Variants in ACYP2 observed in about 807,000 individuals in gnomAD.
ACYP2 encodes the protein acylphosphatase 2.
A neutral mutation model predicts 11.2 loss-of-function variants in ACYP2; 12 were observed. The ratio of observed to expected loss-of-function variants is 1.08; its 90% CI spans 0.69 to 1.74. The LOEUF (loss-of-function observed/expected upper bound fraction) is 1.74, where lower values mean the gene tolerates loss of function less well. Ranked by LOEUF, ACYP2 falls within the 40% of genes most tolerant of loss-of-function variation. The pLI is 0.00. For synonymous variants in ACYP2, 43 were observed against 32.2 expected (o/e 1.33, Z -1.13); for missense variants, 134 against 101.9 (o/e 1.31, Z -1.35).
At chr2:54,048,597 C>A (rs1454836326) in intron 2 of ACYP2, among the ~76,000 whole-genome samples, 1 of 152,136 alleles carries the variant, frequency 6.6e-6, no homozygotes, top group Non-Finnish European at 1.5e-5. Flanking sequence ...AACTACTGGG[C>A]TCAAGGGATC....
At chr2:54,211,906 G>C (rs113593603) in intron 6 of ACYP2, among the ~76,000 whole-genome samples, 37 of 151,398 alleles carry the variant, frequency 2.4e-4, no homozygotes, top group Admixed American at 1.6e-3. Context: ...CTTTCTTTCT[G>C]TCTCTCTCTC....
At chr2:54,113,041 G>A (rs1268838559) in intron 4 of ACYP2, among the ~76,000 whole-genome samples, 1 of 152,140 alleles carries the variant, frequency 6.6e-6, no homozygotes, top group African/African-American at 2.4e-5. Context: ...CAGGGGATTG[G>A]TTCCAGGAAT....
At chr2:54,301,522 A>G (rs1689727206) in intron 6 of ACYP2, among the ~76,000 whole-genome samples, 1 of 152,032 alleles carries the variant, frequency 6.6e-6, no homozygotes, top group Non-Finnish European at 1.5e-5. Flanking sequence ...TTAAATCTCT[A>G]TGTATGCCCT....
In ACYP2 at chr2:54,127,268, A is replaced by G. The variant is rs953567685; in HGVS notation, c.278-8185A>G. On this transcript the variant is annotated intron_variant, in intron 4 of 6. Transcript: ENST00000607452. ...TGCTATGCTTCTATGTTTTGCATAC[A>G]TGGAAATTCATTCTGCATGCACTCA... Among the ~76,000 whole-genome samples, 8 of 152,310 alleles carry G rather than the reference A, an allele frequency of 5.3e-5. No individual in the cohort carries two copies. In the South Asian group the frequency reaches 1.4e-3, roughly 28 times the overall value.
intron 5 of ACYP2, among the ~76,000 whole-genome samples, chr2:54,138,261 T>C (rs1681380719): frequency 6.6e-6 from 1 of 152,226 alleles, no homozygotes. Flanking sequence ...TTGAGAATCT[T>C]GGATTGATTA....
At chr2:54,051,722 G>T (rs780723949) in intron 3 of ACYP2, 4 of 584,798 alleles carry the variant, frequency 6.8e-6, no homozygotes, top group Non-Finnish European at 1.3e-5. Flanking sequence ...GCAAAAAAAG[G>T]AATCATCAAG....
In ACYP2 at chr2:54,255,567, G is replaced by C. The variant is rs773427483; in HGVS notation, c.405-49121G>C. The stretch of plus-strand genomic sequence containing the variant: ...GGTTCAGGTGGAGACCCACGTTCAG[G>C]GGCCCGGGCCCGGGCCCAGGCCCTG... On this transcript the variant is annotated intron_variant, in intron 6 of 6. Coordinates refer to ENST00000607452, the MANE Select transcript of ACYP2 (RefSeq NM_001320586.2). The C allele has an allele frequency of 5.1e-6, 6 of 1,177,046 alleles. No individual in the cohort carries two copies. In the South Asian group the frequency reaches 6.0e-5, roughly 12 times the overall value. 72.9% of individuals were successfully genotyped at this position (1,177,046 alleles called of 1,614,324 possible). A position where few individuals can be genotyped will look rare whatever the true frequency, so the allele number is the denominator to read the frequency against.
intron 2 of ACYP2, among the ~76,000 whole-genome samples, chr2:53,974,032 G>A (rs942823797): frequency 1.1e-4 from 17 of 150,174 alleles, no homozygotes; most frequent in East Asian, 3.9e-4. Flanking sequence ...TCAGCGCCTC[G>A]AGTAGCTGGG....
rs1352684459 is a variant in ACYP2 at position 54,138,671 on chromosome 2, G to T, written c.327G>T (p.Val109=). The change falls in exon 6 of 7, where the codon GTG becomes GTT. Residue 109 remains valine (V), a synonymous_variant. Transcript: ENST00000607452. ...AAGATGAAGCTAGGAAAATAGGAGT[G>T]GTTGGCTGGGTGAAGAATACCAGCA... is the stretch of plus-strand genomic sequence containing the variant. 1.9e-6 allele frequency: 3 copies of T among 1,613,918 alleles called. No homozygotes were observed. The African/African-American group carries it at 4.0e-5, about 22-fold the overall frequency.
intron 4 of ACYP2, among the ~76,000 whole-genome samples, chr2:54,105,941 G>T (rs10176342): frequency 0.19 from 29,547 of 151,684 alleles, 3,815 homozygotes; most frequent in African/African-American, 0.37. Flanking sequence ...TTCCGCAAAA[G>T]GCCGGATTCT....
chr2:54,129,668 G>A (rs1462110616), intron 4 of ACYP2, among the ~76,000 whole-genome samples: 1 of 149,712 alleles, frequency 6.7e-6, no homozygotes, highest in Non-Finnish European at 1.5e-5. Flanking sequence ...ACATATATAT[G>A]TGTATTATAT....
chr2:54,267,207 GC>G, intron 6 of ACYP2: 2 of 1,360,262 alleles, frequency 1.5e-6, no homozygotes, highest in Non-Finnish European at 2.0e-6. Flanking sequence ...TTTTTTAGGG[GC>G]CTATAAAAGT....
At chr2:54,192,386 AT>A (rs951134612) in intron 6 of ACYP2, among the ~76,000 whole-genome samples, 1 of 151,952 alleles carries the variant, frequency 6.6e-6, no homozygotes, top group Non-Finnish European at 1.5e-5. Context: ...CTTATTTTTA[AT>A]TTTTTTAAAT....
At chr2:54,041,450 A>G (rs1675222378) in intron 2 of ACYP2, among the ~76,000 whole-genome samples, 1 of 152,206 alleles carries the variant, frequency 6.6e-6, no homozygotes, top group Non-Finnish European at 1.5e-5. Flanking sequence ...AGAAGGTGTG[A>G]AATAGTCACC....
chr2:54,029,814 A>T, intron 2 of ACYP2: 1 of 541,824 alleles, frequency 1.8e-6, no homozygotes, highest in Non-Finnish European at 3.4e-6. Context: ...GGGCATTCCT[A>T]TTTGAACAGT....
At chr2:53,991,443 TC>T (rs1267306034) in intron 2 of ACYP2, among the ~76,000 whole-genome samples, 2 of 151,964 alleles carry the variant, frequency 1.3e-5, no homozygotes, top group Non-Finnish European at 2.9e-5. Flanking sequence ...TTTCACTCTT[TC>T]GCCCAGGTTG....
At chr2:54,296,549 T>C (rs763018321) in intron 6 of ACYP2, among the ~76,000 whole-genome samples, 1 of 152,206 alleles carries the variant, frequency 6.6e-6, no homozygotes, top group African/African-American at 2.4e-5. Flanking sequence ...CCCAAGATCA[T>C]TGTCCTTTTC....
intron 6 of ACYP2, chr2:54,142,063 A>C: frequency 2.5e-6 from 1 of 404,454 alleles, no homozygotes. Flanking sequence ...TTGTAGAGAT[A>C]GTGTCTCACT....
intron 4 of ACYP2, among the ~76,000 whole-genome samples, chr2:54,111,432 C>T (rs1558535496): frequency 6.6e-6 from 1 of 152,176 alleles, no homozygotes; most frequent in Non-Finnish European, 1.5e-5. Context: ...AGGGAAGACA[C>T]TTTAATGTTA....
Sources: allele counts gnomAD v4.1 joint callset (sites outside exome capture counted in the v4.1 genomes callset), GRCh38; gene constraint gnomAD v4.1.1; transcripts MANE v1.5; gene names NCBI Gene and HGNC (gene_info 2026-07-23, HGNC 2026-07-21).